The following CEP350 variants were observed in gnomAD, a reference collection of about 807,000 sequenced individuals.
CEP350 encodes the protein centrosome-associated protein 350.
CEP350 carries 126 observed loss-of-function variants against 331.8 expected under a neutral mutation model. The observed-to-expected ratio is 0.38, with a 90% CI of 0.33 to 0.44. CEP350 has a LOEUF of 0.44. Ranked by LOEUF, CEP350 falls within the 20% of genes least tolerant of loss-of-function variation. CEP350 has a pLI of 1.00. For missense variants in CEP350, 3,406 were observed against 3,634.6 expected (o/e 0.94, Z 1.62); for synonymous variants, 1,200 against 1,259.5 (o/e 0.95, Z 1.00).
At chr1:180,040,916 A>G (rs558356775) in intron 17 of CEP350, among the ~76,000 whole-genome samples, 2 of 152,274 alleles carry the variant, frequency 1.3e-5, no homozygotes, top group Non-Finnish European at 2.9e-5. Flanking sequence ...TATGCCCTGG[A>G]AATTTTTTAT....
intron 31 of CEP350, 22 bp downstream of exon 31, chr1:180,084,200 GT>G: frequency 6.4e-7 from 1 of 1,562,416 alleles, no homozygotes; most frequent in Admixed American, 2.0e-5. Context: ...GAAGAAGGGG[GT>G]TTAGTATCAA....
intron 18 of CEP350, 115 bp from the exon 19 acceptor site, chr1:180,041,547 T>C: frequency 2.0e-6 from 2 of 1,012,784 alleles, no homozygotes; most frequent in South Asian, 3.7e-5. Context: ...ATCCAGATTG[T>C]AGTAAAGTGT....
Position 179,987,291 on chromosome 1 carries a change from G to C in CEP350, c.120+5G>C, listed in dbSNP as rs1652707311. On this transcript the variant is annotated splice_donor_5th_base_variant and intron_variant, in intron 3 of 37. Transcript: ENST00000367607. ...CTTTCTCAAACCAAGGCTGCTGTAA[G>C]TAGTTTTAGCTTCCATTTATTTATT... is the stretch of plus-strand genomic sequence containing the variant. 6.6e-7 allele frequency: 1 copy of C among 1,519,320 alleles called. No homozygotes were observed. The allele number at this position is 1,519,320 out of a possible 1,614,324, so 94.1% of individuals were successfully genotyped here.
At chr1:180,078,419 C>A in intron 28 of CEP350, 44 bp from the exon 29 acceptor site, 1 of 1,431,110 alleles carries the variant, frequency 7.0e-7, no homozygotes, top group Non-Finnish European at 9.7e-7. Flanking sequence ...TCCCATTGAC[C>A]AAGATTGTAT....
In CEP350 at chr1:180,093,969, G is replaced by A. The variant is rs185684644; in HGVS notation, c.7864G>A (p.Asp2622Asn). The A allele has an allele frequency of 3.6e-5, 58 of 1,613,844 alleles. No homozygotes were observed. The highest frequency in any genetic ancestry group is 3.3e-4 in the Middle Eastern group (2 of 6,060). ...TGAGAAATCCCTACCTAGTGTGAAT[G>A]ATATAGAAGCCTCAGTTAATAGAAG... ...FYEKSLPSVN[D>N]IEASVNRSRS... The change falls in exon 34 of 38, where the codon GAT becomes AAT. Residue 2622 changes from aspartate (D) to asparagine (N), a missense_variant. Asp to Asn is a conservative substitution (Grantham distance 23, BLOSUM62 1). Around this residue, in one of 5 missense-constraint regions of CEP350, gnomAD observed 1,415 missense variants for 1,512.3 expected, o/e 0.94. Coordinates refer to ENST00000367607, the MANE Select transcript of CEP350 (RefSeq NM_014810.5).
intron 27 of CEP350, among the ~76,000 whole-genome samples, chr1:180,071,808 C>G (rs754552201): frequency 6.6e-6 from 1 of 151,958 alleles, no homozygotes; most frequent in African/African-American, 2.4e-5. Context: ...ATTAAGTACT[C>G]ATTAATTCCT....
chr1:179,959,244 G>A (rs996086342), intron 1 of CEP350, among the ~76,000 whole-genome samples: 3 of 152,176 alleles, frequency 2.0e-5, no homozygotes, highest in African/African-American at 7.2e-5. Flanking sequence ...GTCACTTGAG[G>A]TCAGGAGTTC....
intron 1 of CEP350, among the ~76,000 whole-genome samples, chr1:179,984,598 A>G (rs1652519634): frequency 6.6e-6 from 1 of 152,188 alleles, no homozygotes; most frequent in Non-Finnish European, 1.5e-5. Context: ...ACCACATGTG[A>G]TATTAGTTTA....
chr1:180,066,891 C>T (rs933373302), intron 27 of CEP350, among the ~76,000 whole-genome samples: 2 of 151,960 alleles, frequency 1.3e-5, no homozygotes, highest in Non-Finnish European at 2.9e-5. Flanking sequence ...TGTAGATCTG[C>T]TACAAATGTC....
intron 14 of CEP350, among the ~76,000 whole-genome samples, chr1:180,030,311 A>ATGTATATATACATATACT (rs1655939686): frequency 8.8e-6 from 1 of 113,400 alleles, no homozygotes; most frequent in Non-Finnish European, 1.9e-5. Flanking sequence ...ATATGTGTAT[A>ATGTATATATACATATACT]TATGTATATA....
At chr1:180,063,186 C>CTTTTTTTTTT (rs35572192) in intron 26 of CEP350, among the ~76,000 whole-genome samples, 1 of 106,966 alleles carries the variant, frequency 9.3e-6, no homozygotes, top group Non-Finnish European at 1.8e-5. Flanking sequence ...AAATTTGAAA[C>CTTTTTTTTTT]TTTTTTTTTT....
At chr1:179,979,942 A>G (rs1430931999) in intron 1 of CEP350, among the ~76,000 whole-genome samples, 1 of 152,070 alleles carries the variant, frequency 6.6e-6, no homozygotes, top group African/African-American at 2.4e-5. Context: ...GTAGCTTTGT[A>G]GTATATTTTG....
Position 180,014,302 on chromosome 1 carries a change from G to C in CEP350, c.1849G>C (p.Ala617Pro), listed in dbSNP as rs201259041. The C allele has an allele frequency of 5.1e-5, 81 of 1,594,824 alleles. No individual in the cohort carries two copies. Among genetic ancestry groups the C allele is most frequent in the Non-Finnish European group, 5.7e-5 (67 of 1,170,406 alleles). Reference protein sequence around the residue: ...RKRKQNEEKKAQKEATEQKNK... With the variant: ...RKRKQNEEKKPQKEATEQKNK... ...GAGAAAGCAAAATGAAGAGAAGAAG[G>C]CTCAAAAGGAGGCTACAGAACAGAA... Residue 617 changes from alanine (A) to proline (P), a missense_variant, in exon 10 of 38, where the codon GCT becomes CCT. Ala to Pro is a conservative substitution (Grantham distance 27, BLOSUM62 -1). This residue lies in a region of CEP350 where 1,857 missense variants were observed against 1,909.2 expected (regional missense o/e 0.97). Coordinates refer to ENST00000367607, the MANE Select transcript of CEP350 (RefSeq NM_014810.5).
In CEP350 at chr1:180,065,184, C is replaced by A; in HGVS notation, c.5479C>A (p.Arg1827Ser). Reference protein sequence around the residue: ...TSPGPTDLETRSPSPISISSS... With the variant: ...TSPGPTDLETSSPSPISISSS... ...TCCTGGTCCAACTGACTTGGAGACC[C>A]GCAGTCCTTCTCCCATTTCAATCTC... Residue 1827 changes from arginine (R) to serine (S), a missense_variant, in exon 27 of 38, where the codon CGC becomes AGC. By Grantham distance (110) the Arg-to-Ser change is moderately radical. Transcript: ENST00000367607. 3 of 1,613,648 alleles carry A rather than the reference C, an allele frequency of 1.9e-6. No individual in the cohort carries two copies. Among genetic ancestry groups the A allele is most frequent in the Non-Finnish European group, 2.5e-6 (3 of 1,179,770 alleles).
At chr1:179,994,988 C>T (rs1653366298) in intron 5 of CEP350, among the ~76,000 whole-genome samples, 1 of 152,126 alleles carries the variant, frequency 6.6e-6, no homozygotes, top group South Asian at 2.1e-4. Context: ...CAGTGCTATA[C>T]AATAGAACCA....
chr1:180,006,553 C>A lies in CEP350; in HGVS notation c.1232C>A (p.Thr411Lys). The A allele has an allele frequency of 6.6e-7, 1 of 1,508,128 alleles. No homozygotes were observed. The highest frequency in any genetic ancestry group is 9.0e-7 in the Non-Finnish European group (1 of 1,105,982). 93.4% of individuals were successfully genotyped at this position (1,508,128 alleles called of 1,614,324 possible). ...KVQKVAQLSS[T>K]ECRTGSSHLI... ...CAAAAAGTAGCACAGTTATCAAGTA[C>A]AGAATGCAGAACAGGTTAGTTTTCT... Residue 411 changes from threonine (T) to lysine (K), a missense_variant, in exon 8 of 38, where the codon ACA becomes AAA. Around this residue, in one of 5 missense-constraint regions of CEP350, gnomAD observed 1,857 missense variants for 1,909.2 expected, o/e 0.97. Coordinates refer to ENST00000367607, the MANE Select transcript of CEP350 (RefSeq NM_014810.5).
At chr1:180,074,251 TCTAAA>T (rs763763817) in intron 27 of CEP350, among the ~76,000 whole-genome samples, 3 of 152,188 alleles carry the variant, frequency 2.0e-5, no homozygotes, top group Non-Finnish European at 4.4e-5. Context: ...ATTAGTAGCC[TCTAAA>T]CTAAGTAATT....
At chr1:179,977,120 G>T (rs1264552681) in intron 1 of CEP350, among the ~76,000 whole-genome samples, 1 of 152,178 alleles carries the variant, frequency 6.6e-6, no homozygotes, top group African/African-American at 2.4e-5. Flanking sequence ...TGGATAGGAT[G>T]CTTTTGAGTC....
chr1:179,992,155 C>A lies in CEP350; in HGVS notation c.329C>A (p.Thr110Asn). 1 of 1,542,158 alleles carries A rather than the reference C, an allele frequency of 6.5e-7. No individual in the cohort carries two copies. Among genetic ancestry groups the A allele is most frequent in the South Asian group, 1.2e-5 (1 of 80,086 alleles). ...KEKSRSPLRA[T>N]TLESNVKKNN... ...AAATCTCGTAGTCCTCTCAGGGCCA[C>A]CACCCTGGAGAGTAATGTGAAGAAA... Residue 110 changes from threonine (T) to asparagine (N), a missense_variant, in exon 5 of 38, where the codon ACC becomes AAC. Thr to Asn is a moderately conservative substitution (Grantham distance 65, BLOSUM62 0). Coordinates refer to ENST00000367607, the MANE Select transcript of CEP350 (RefSeq NM_014810.5).
Sources: allele counts gnomAD v4.1 joint callset (sites outside exome capture counted in the v4.1 genomes callset), GRCh38; gene constraint gnomAD v4.1.1; regional missense constraint gnomAD v4.1.1; transcripts MANE v1.5; gene names NCBI Gene and HGNC (gene_info 2026-07-23, HGNC 2026-07-21).